Variants in GATM observed in about 807,000 individuals in gnomAD.
The protein encoded by GATM is glycine amidinotransferase, also known as glycine amidinotransferase, mitochondrial.
In GATM, 23 loss-of-function variants were observed where a neutral mutation model predicts 54.2. The ratio of observed to expected loss-of-function variants is 0.42; its 90% CI spans 0.31 to 0.60. The LOEUF is 0.60. Among genes scored for constraint, GATM ranks in the 20% least tolerant of loss-of-function variants. GATM has a pLI of 0.14. For missense variants in GATM, 401 were observed against 544.9 expected (o/e 0.74, Z 2.63); for synonymous variants, 168 against 183.1 (o/e 0.92, Z 0.67).
At chr15:45,389,680 G>A (rs1889846107) in intron 3 of GATM, among the ~76,000 whole-genome samples, 1 of 152,092 alleles carries the variant, frequency 6.6e-6, no homozygotes, top group African/African-American at 2.4e-5. Context: ...TTAACTTAAG[G>A]TTTGTATCTT....
At chr15:45,394,574 G>A (rs1184073088) in intron 3 of GATM, among the ~76,000 whole-genome samples, 2 of 152,206 alleles carry the variant, frequency 1.3e-5, no homozygotes, top group African/African-American at 4.8e-5. Context: ...AAGGCACCAG[G>A]CGGGTCAGGC....
At chr15:45,363,388 A>C (rs1398513793) in intron 8 of GATM, among the ~76,000 whole-genome samples, 1 of 152,228 alleles carries the variant, frequency 6.6e-6, no homozygotes, top group African/African-American at 2.4e-5. Context: ...TAAACTACTT[A>C]AGTAAAACCT....
chr15:45,376,232 G>C (rs1320319342), intron 2 of GATM, among the ~76,000 whole-genome samples: 1 of 152,200 alleles, frequency 6.6e-6, no homozygotes, highest in African/African-American at 2.4e-5. Flanking sequence ...GTTCAATACA[G>C]AGATCCGGAC....
intron 2 of GATM, chr15:45,397,338 C>T (rs564803501): frequency 1.8e-4 from 27 of 152,188 alleles, no homozygotes; most frequent in African/African-American, 6.5e-4. Context: ...AAAGCCCAAC[C>T]ATGATCATAA....
intron 7 of GATM, 64 bp downstream of exon 7, chr15:45,364,733 G>C (rs867148546): frequency 4.8e-6 from 7 of 1,447,316 alleles, no homozygotes; most frequent in Middle Eastern, 1.7e-4. Flanking sequence ...GCTCTCTATA[G>C]GAGAAAGATC....
rs749360708 is a variant in GATM at position 45,366,361 on chromosome 15, C to G, written c.813+10G>C. The G allele has an allele frequency of 6.2e-7, 1 of 1,613,906 alleles. No homozygotes were observed. Among genetic ancestry groups the G allele is most frequent in the Admixed American group, 1.7e-5 (1 of 59,988 alleles). On this transcript the variant is annotated intron_variant, in intron 5 of 8. Coordinates refer to ENST00000396659, the MANE Select transcript of GATM (RefSeq NM_001482.3). ...TATAGTGTGAAATTTCAGAGGCAGC[C>G]TGCGTTCACCTGGCTTCTCTGTGCA... is the stretch of plus-strand genomic sequence containing the variant.
intron 3 of GATM, among the ~76,000 whole-genome samples, chr15:45,391,887 G>T (rs1889877238): frequency 6.6e-6 from 1 of 152,200 alleles, no homozygotes; most frequent in East Asian, 1.9e-4. Context: ...AAGATTTTAG[G>T]TTGGCAGATG....
intron 4 of GATM, among the ~76,000 whole-genome samples, chr15:45,367,298 G>A (rs1308926193): frequency 1.3e-5 from 2 of 150,570 alleles, no homozygotes; most frequent in African/African-American, 2.5e-5. Context: ...CCGAGATCAC[G>A]CCACTGCACT....
At chr15:45,369,213 G>T in intron 3 of GATM, 113 bp downstream of exon 3, 1 of 821,484 alleles carries the variant, frequency 1.2e-6, no homozygotes. Context: ...AAGTTTTCAA[G>T]AACTAGCAAA....
rs761087555 is a variant in GATM at position 45,366,549 on chromosome 15, A to G, written c.676-41T>C. 1.3e-5 allele frequency: 21 copies of G among 1,610,620 alleles called. No homozygotes were observed. The South Asian group carries it at 2.3e-4, about 18-fold the overall frequency. ...ATGAACACACACAATGCACTGGATC[A>G]TGAGAAAATTATTCATAAGGCATAC... On this transcript the variant is annotated intron_variant, in intron 4 of 8. Transcript: ENST00000396659.
chr15:45,382,101 C>T (rs775297238), upstream of GATM, among the ~76,000 whole-genome samples: 1 of 152,170 alleles, frequency 6.6e-6, no homozygotes, highest in South Asian at 2.1e-4. Flanking sequence ...AAAAAGGAAG[C>T]CTGAGTGGCC....
intron 3 of GATM, among the ~76,000 whole-genome samples, chr15:45,387,209 CAG>C: frequency 6.6e-6 from 1 of 152,306 alleles, no homozygotes; most frequent in Admixed American, 6.5e-5. Flanking sequence ...TAAATCATTT[CAG>C]GGGACAGATT....
At chr15:45,382,872 C>A (rs186131194), upstream of GATM, among the ~76,000 whole-genome samples, 4 of 152,238 alleles carry the variant, frequency 2.6e-5, no homozygotes, top group African/African-American at 9.6e-5. Flanking sequence ...TCAGTTCTTG[C>A]TTCCTAATTA....
intron 2 of GATM, among the ~76,000 whole-genome samples, chr15:45,398,915 A>G (rs557623002): frequency 3.9e-5 from 6 of 152,176 alleles, no homozygotes; most frequent in Non-Finnish European, 7.3e-5. Context: ...AAGGGACAAA[A>G]ATATTGCATG....
At chr15:45,388,757 T>G (rs1595489287) in intron 3 of GATM, among the ~76,000 whole-genome samples, 1 of 152,352 alleles carries the variant, frequency 6.6e-6, no homozygotes, top group Non-Finnish European at 1.5e-5. Flanking sequence ...CTCATATCAC[T>G]GATGGTATTA....
chr15:45,365,956 T>A (rs771601928), intron 6 of GATM, 90 bp downstream of exon 6: 3 of 1,217,548 alleles, frequency 2.5e-6, no homozygotes. Context: ...TTAGAACCAT[T>A]AGGAACCATG....
At position 45,363,890 on chromosome 15, in the gene GATM, T is replaced by C. The variant is rs372945188; in HGVS notation, c.1159+10A>G. 8.0e-6 allele frequency: 12 copies of C among 1,492,318 alleles called. No individual in the cohort carries two copies. Among genetic ancestry groups the C allele is most frequent in the Non-Finnish European group, 1.1e-5 (12 of 1,069,800 alleles). 92.4% of individuals were successfully genotyped at this position (1,492,318 alleles called of 1,614,324 possible). On this transcript the variant is annotated intron_variant, in intron 8 of 8. Transcript: ENST00000396659. ...CATGTATGACAACATGTTTCATTTGTTGTACATACCCAGCTTTTCAAACAT... is the reference window on the plus strand; with the variant it reads ...CATGTATGACAACATGTTTCATTTGCTGTACATACCCAGCTTTTCAAACAT...
Position 45,361,938 on chromosome 15 carries a change from T to A in GATM, c.*171A>T. Reference sequence around the variant, plus strand: ...GAGAGTAATACCTAGCAGAAGTTATTTTCTTTATGTCAAAGAAAAGTAATA... The same window carrying A: ...GAGAGTAATACCTAGCAGAAGTTATATTCTTTATGTCAAAGAAAAGTAATA... On this transcript the variant is annotated 3_prime_UTR_variant, in exon 9 of 9. Coordinates refer to ENST00000396659, the MANE Select transcript of GATM (RefSeq NM_001482.3). 1.6e-6 allele frequency: 1 copy of A among 633,446 alleles called. No individual in the cohort carries two copies. The highest frequency in any genetic ancestry group is 3.7e-4 in the Middle Eastern group (1 of 2,720). 39.2% of individuals were successfully genotyped at this position (633,446 alleles called of 1,614,324 possible). A position where few individuals can be genotyped will look rare whatever the true frequency, so the allele number is the denominator to read the frequency against.
chr15:45,384,677 G>A (rs1278138522), intron 3 of GATM, among the ~76,000 whole-genome samples: 1 of 152,030 alleles, frequency 6.6e-6, no homozygotes, highest in African/African-American at 2.4e-5. Context: ...AGAAAGCTGT[G>A]CCTTACATTT....
Sources: allele counts gnomAD v4.1 joint callset (sites outside exome capture counted in the v4.1 genomes callset), GRCh38; gene constraint gnomAD v4.1.1; transcripts MANE v1.5; gene names NCBI Gene and HGNC (gene_info 2026-07-23, HGNC 2026-07-21).